The following PTPRT variants were observed in gnomAD, a reference collection of about 807,000 sequenced individuals.
The protein encoded by PTPRT is protein tyrosine phosphatase receptor type T, also known as receptor-type tyrosine-protein phosphatase T.
PTPRT carries 56 observed loss-of-function variants against 176.8 expected under a neutral mutation model. The observed-to-expected ratio is 0.32, with a 90% CI of 0.26 to 0.40. PTPRT has a LOEUF of 0.40. PTPRT is among the 10% of genes least tolerant of loss of function. The pLI, the probability that PTPRT is intolerant of heterozygous loss-of-function variation, is 1.00. For synonymous variants in PTPRT, 783 were observed against 739.0 expected (o/e 1.06, Z -0.96); for missense variants, 1,540 against 1,908.2 (o/e 0.81, Z 3.60).
At chr20:42,992,283 A>G (rs1375683449) in intron 1 of PTPRT, among the ~76,000 whole-genome samples, 1 of 152,200 alleles carries the variant, frequency 6.6e-6, no homozygotes, top group Non-Finnish European at 1.5e-5. Flanking sequence ...CCGGACATTG[A>G]AAAAACCCCT....
intron 7 of PTPRT, among the ~76,000 whole-genome samples, chr20:42,481,924 T>C (rs993905210): frequency 4.6e-5 from 7 of 151,982 alleles, no homozygotes; most frequent in East Asian, 3.9e-4. Context: ...AGTGTACTTA[T>C]GGTGTGTTCT....
chr20:42,083,480 G>T (rs1983564347), intron 29 of PTPRT, among the ~76,000 whole-genome samples: 1 of 152,210 alleles, frequency 6.6e-6, no homozygotes, highest in Non-Finnish European at 1.5e-5. Context: ...CTAGCCTGAG[G>T]TTTGCTTCCT....
chr20:42,554,905 C>T (rs1385759075), intron 7 of PTPRT, among the ~76,000 whole-genome samples: 1 of 152,194 alleles, frequency 6.6e-6, no homozygotes, highest in Non-Finnish European at 1.5e-5. Flanking sequence ...AACCTCCTCA[C>T]TCCCTACCAC....
chr20:43,176,595 A>G (rs1421460501), intron 1 of PTPRT, among the ~76,000 whole-genome samples: 1 of 152,128 alleles, frequency 6.6e-6, no homozygotes, highest in Non-Finnish European at 1.5e-5. Flanking sequence ...TTTTTCCCAT[A>G]CCTCTTCTAA....
At chr20:42,486,732 G>A (rs2071470894) in intron 7 of PTPRT, among the ~76,000 whole-genome samples, 1 of 152,102 alleles carries the variant, frequency 6.6e-6, no homozygotes, top group African/African-American at 2.4e-5. Flanking sequence ...GTTGTGCCCA[G>A]GTCTGCCTGA....
In PTPRT at chr20:42,456,362, A is replaced by C. The variant is rs904847427; in HGVS notation, c.1451-8033T>G. Among the ~76,000 whole-genome samples, 3 of 151,958 alleles carry C rather than the reference A, an allele frequency of 2.0e-5. No homozygotes were observed. In the East Asian group the frequency reaches 5.8e-4, roughly 29 times the overall value. The stretch of plus-strand genomic sequence containing the variant: ...GTTAATAATAGTTTTGCTCTTTTCC[A>C]ATCTTTTATTTTCTTATCTTCAATG... On this transcript the variant is annotated intron_variant, in intron 8 of 30. Coordinates refer to ENST00000373187, the MANE Select transcript of PTPRT (RefSeq NM_007050.6).
chr20:42,355,949 T>G (rs1445268192), intron 9 of PTPRT, among the ~76,000 whole-genome samples: 6 of 152,212 alleles, frequency 3.9e-5, no homozygotes, highest in African/African-American at 9.7e-5. Context: ...TATTACAGGA[T>G]CCTCACTTAC....
intron 7 of PTPRT, among the ~76,000 whole-genome samples, chr20:42,544,716 G>C (rs1375010060): frequency 1.3e-5 from 2 of 152,248 alleles, no homozygotes; most frequent in African/African-American, 4.8e-5. Context: ...CAAAAGCCTA[G>C]TAAGCAAGTA....
At chr20:42,336,848 C>T (rs1420576260) in intron 11 of PTPRT, among the ~76,000 whole-genome samples, 1 of 152,100 alleles carries the variant, frequency 6.6e-6, no homozygotes, top group African/African-American at 2.4e-5. Context: ...TGACTGCACA[C>T]ACACATACAA....
chr20:42,126,151 C>T (rs77280273), intron 19 of PTPRT, among the ~76,000 whole-genome samples: 4,799 of 152,142 alleles, frequency 0.032, 240 homozygotes, highest in African/African-American at 0.11. Flanking sequence ...TAAACCTTAG[C>T]CCTCCCCATC....
intron 1 of PTPRT, among the ~76,000 whole-genome samples, chr20:43,085,556 C>T (rs1366191096): frequency 1.3e-5 from 2 of 152,146 alleles, no homozygotes; most frequent in Non-Finnish European, 2.9e-5. Flanking sequence ...TTCCACATGG[C>T]TTGGGAGGCC....
intron 1 of PTPRT, among the ~76,000 whole-genome samples, chr20:43,152,472 C>A (rs1262933262): frequency 6.6e-6 from 1 of 152,184 alleles, no homozygotes; most frequent in African/African-American, 2.4e-5. Context: ...TAGCTTAGCC[C>A]ATTTTTGCCT....
chr20:42,064,541 T>A, the PTPRT span, among the ~76,000 whole-genome samples: 1 of 152,210 alleles, frequency 6.6e-6, no homozygotes, highest in Non-Finnish European at 1.5e-5. Flanking sequence ...TTCTAATATA[T>A]AATTGATACT....
Position 42,075,603 on chromosome 20 carries a change from C to A in PTPRT, c.*5276G>T, listed in dbSNP as rs1250986175. 9.6e-6 allele frequency: 2 copies of A among 209,410 alleles called. No individual in the cohort carries two copies. Among genetic ancestry groups the A allele is most frequent in the African/African-American group, 2.3e-5 (1 of 43,930 alleles). The allele number at this position is 209,410 out of a possible 1,614,324, so 13.0% of individuals were successfully genotyped here. Reference sequence around the variant, plus strand: ...AAGGAATTATCATTTCCTTCAATGTCTCTGGATCTGGGTTGGGCAGTCACT... The same window carrying A: ...AAGGAATTATCATTTCCTTCAATGTATCTGGATCTGGGTTGGGCAGTCACT... On this transcript the variant is annotated 3_prime_UTR_variant, in exon 31 of 31. Transcript: ENST00000373187.
rs551407394 is a variant in PTPRT, at chr20:43,039,784, T to A, written c.88+149862A>T. 2.4e-4 allele frequency among the ~76,000 whole-genome samples: 37 copies of A among 152,212 alleles called. No individual in the cohort carries two copies. The South Asian group carries it at 3.7e-3, about 15-fold the overall frequency. ...GGCCGGGTGCACTGGCTCACACCTG[T>A]AATCCCAGCACTTCAGTAGGCTAAG... On this transcript the variant is annotated intron_variant, in intron 1 of 30. Coordinates refer to ENST00000373187, the MANE Select transcript of PTPRT (RefSeq NM_007050.6).
At chr20:42,452,009 G>A (rs183943658) in intron 8 of PTPRT, among the ~76,000 whole-genome samples, 37 of 152,260 alleles carry the variant, frequency 2.4e-4, no homozygotes, top group Non-Finnish European at 4.6e-4. Flanking sequence ...GGTGGCCCAC[G>A]CCTATAATCC....
chr20:42,225,490 C>T (rs1414001029), intron 15 of PTPRT, among the ~76,000 whole-genome samples: 1 of 152,086 alleles, frequency 6.6e-6, no homozygotes, highest in African/African-American at 2.4e-5. Context: ...TTCTCCCTAC[C>T]CCTTTCTTTC....
chr20:43,167,225 C>T (rs2014880459), intron 1 of PTPRT, among the ~76,000 whole-genome samples: 1 of 152,182 alleles, frequency 6.6e-6, no homozygotes, highest in African/African-American at 2.4e-5. Flanking sequence ...TAGATAATGA[C>T]AACTTCTTAG....
At chr20:42,545,299 A>G (rs1401773185) in intron 7 of PTPRT, among the ~76,000 whole-genome samples, 1 of 152,156 alleles carries the variant, frequency 6.6e-6, no homozygotes, top group Non-Finnish European at 1.5e-5. Flanking sequence ...GTTACCTGGC[A>G]AACAGGAGTT....
Sources: allele counts gnomAD v4.1 joint callset (sites outside exome capture counted in the v4.1 genomes callset), GRCh38; gene constraint gnomAD v4.1.1; transcripts MANE v1.5; gene names NCBI Gene and HGNC (gene_info 2026-07-23, HGNC 2026-07-21).